The following ABCA13 variants were observed in gnomAD, a reference collection of about 807,000 sequenced individuals.
ABCA13 encodes ATP binding cassette subfamily A member 13.
ABCA13 carries 476 observed loss-of-function variants against 478.7 expected under a neutral mutation model. The ratio of observed to expected loss-of-function variants is 0.99; its 90% CI spans 0.92 to 1.07. ABCA13 has a LOEUF of 1.07. ABCA13 is among the 50% of genes least tolerant of loss of function. The probability of loss-of-function intolerance (pLI) is 0.00; values close to 1 mark genes in which losing one functional copy is unlikely to be tolerated. For missense variants in ABCA13, 6,060 were observed against 5,910.6 expected (o/e 1.03, Z -0.83); for synonymous variants, 2,252 against 2,158.9 (o/e 1.04, Z -1.20).
chr7:48,637,390 A>AAAAAAAAAAAAAAAAAAAAAG (rs1794742146), intron 59 of ABCA13, among the ~76,000 whole-genome samples: 1 of 147,208 alleles, frequency 6.8e-6, no homozygotes, highest in Non-Finnish European at 1.5e-5. Context: ...GCAAAAAAAA[A>AAAAAAAAAAAAAAAAAAAAAG]AAAAAAAAAA....
chr7:48,580,493 A>C, intron 56 of ABCA13, 119 bp downstream of exon 56: 3 of 873,836 alleles, frequency 3.4e-6, no homozygotes, highest in Non-Finnish European at 5.1e-6. Context: ...TATCAGATAA[A>C]CTTACCTGCA....
chr7:48,602,267 CTTT>C (rs967551491), intron 58 of ABCA13, among the ~76,000 whole-genome samples: 3 of 152,108 alleles, frequency 2.0e-5, no homozygotes, highest in Non-Finnish European at 4.4e-5. Flanking sequence ...GTTGCCATTG[CTTT>C]TGGTGTTTTA....
intron 42 of ABCA13, among the ~76,000 whole-genome samples, chr7:48,454,291 C>G (rs1483171017): frequency 6.6e-6 from 1 of 152,212 alleles, no homozygotes; most frequent in African/African-American, 2.4e-5. Flanking sequence ...GACAGAAAAG[C>G]TGCTCTCCAC....
intron 59 of ABCA13, among the ~76,000 whole-genome samples, chr7:48,623,601 G>T (rs979763416): frequency 6.6e-6 from 1 of 152,084 alleles, no homozygotes; most frequent in African/African-American, 2.4e-5. Flanking sequence ...TGACAGTGTG[G>T]GTGTTCCCAA....
chr7:48,178,650 G>C lies in ABCA13; in HGVS notation c.69+7098G>C, dbSNP rs1012091629. Among the ~76,000 whole-genome samples, 3 of 151,572 alleles carry C rather than the reference G, an allele frequency of 2.0e-5. No homozygotes were observed. In the South Asian group the frequency reaches 6.2e-4, roughly 31 times the overall value. ...AGCTCGCACCATTGCACTCCAGCCTGGGTGAAGAGCGAGACTCTATCTCAA... is the reference window on the plus strand; with the variant it reads ...AGCTCGCACCATTGCACTCCAGCCTCGGTGAAGAGCGAGACTCTATCTCAA... On this transcript the variant is annotated intron_variant, in intron 1 of 61. Transcript: ENST00000435803.
chr7:48,281,177 A>G (rs1796977150), intron 18 of ABCA13, among the ~76,000 whole-genome samples, 166 bp from the exon 19 acceptor site: 1 of 152,248 alleles, frequency 6.6e-6, no homozygotes, highest in Non-Finnish European at 1.5e-5. Context: ...CTAAAGGTCC[A>G]GAATGTGTTA....
At chr7:48,180,647 G>A (rs1468322457) in intron 1 of ABCA13, among the ~76,000 whole-genome samples, 2 of 151,846 alleles carry the variant, frequency 1.3e-5, no homozygotes, top group Admixed American at 6.6e-5. Context: ...GGCTGGTCTC[G>A]AACTCCTGAC....
chr7:48,624,831 A>G (rs1793510601), intron 59 of ABCA13, among the ~76,000 whole-genome samples: 1 of 152,078 alleles, frequency 6.6e-6, no homozygotes. Flanking sequence ...CTGGGATTAC[A>G]GGTGTGACTC....
intron 55 of ABCA13, 68 bp from the exon 56 acceptor site, chr7:48,580,156 A>G: frequency 6.8e-7 from 1 of 1,469,402 alleles, no homozygotes; most frequent in Non-Finnish European, 9.0e-7. Flanking sequence ...GATGAGCCAC[A>G]TTTTAAAAAT....
At chr7:48,582,875 A>G (rs533219311) in intron 56 of ABCA13, among the ~76,000 whole-genome samples, 6 of 152,190 alleles carry the variant, frequency 3.9e-5, no homozygotes, top group Admixed American at 3.3e-4. Context: ...TGCAGTGTAC[A>G]TATTTGAGCC....
chr7:48,204,279 G>C (rs1186833870), intron 3 of ABCA13, among the ~76,000 whole-genome samples: 1 of 151,080 alleles, frequency 6.6e-6, no homozygotes, highest in Non-Finnish European at 1.5e-5. Context: ...GTGCGATCTC[G>C]GCTCACTGCA....
intron 20 of ABCA13, among the ~76,000 whole-genome samples, chr7:48,290,939 GGAAAA>G (rs1480164598): frequency 3.4e-4 from 27 of 79,600 alleles, no homozygotes; most frequent in Middle Eastern, 9.3e-3. Flanking sequence ...TCACACTCAG[GGAAAA>G]AAAAAAAAAA....
chr7:48,630,506 G>A (rs891827806), intron 59 of ABCA13, among the ~76,000 whole-genome samples: 4 of 152,080 alleles, frequency 2.6e-5, no homozygotes, highest in African/African-American at 7.2e-5. Flanking sequence ...TCTTTTTTAC[G>A]ACTGCACAGT....
chr7:48,568,549 A>G (rs1787302156), intron 55 of ABCA13, among the ~76,000 whole-genome samples: 2 of 152,062 alleles, frequency 1.3e-5, no homozygotes, highest in South Asian at 2.1e-4. Context: ...TTAAACATCT[A>G]TTTATAAGAA....
chr7:48,538,324 C>T (rs1483673585), intron 55 of ABCA13, among the ~76,000 whole-genome samples: 1 of 152,112 alleles, frequency 6.6e-6, no homozygotes, highest in East Asian at 1.9e-4. Flanking sequence ...TGGTCTCGAA[C>T]TGCTGACCTC....
chr7:48,620,438 G>A (rs950052018), intron 59 of ABCA13, among the ~76,000 whole-genome samples: 16 of 152,146 alleles, frequency 1.1e-4, no homozygotes, highest in Non-Finnish European at 1.6e-4. Flanking sequence ...GCACTGTTTC[G>A]TTTTGGGTTG....
Position 48,276,276 on chromosome 7 carries a change from CT to C in ABCA13, c.6615del (p.Phe2205LeufsTer5). On this transcript the variant is annotated frameshift_variant, in exon 17 of 62. Transcript: ENST00000435803. LOFTEE classifies it high-confidence loss of function. ...GACTAATTTCTCAGTTGTTCAGCTG[CT>C]TTTTGAAAACATCCTAATTAATTTG... ...QLTNFSVVQL[L>X]FENILINLIN... 1.3e-6 allele frequency: 2 copies of C among 1,564,502 alleles called. No individual in the cohort carries two copies. Among genetic ancestry groups the C allele is most frequent in the Non-Finnish European group, 1.7e-6 (2 of 1,154,178 alleles).
At chr7:48,196,908 C>A (rs1798011126) in intron 2 of ABCA13, among the ~76,000 whole-genome samples, 2 of 152,156 alleles carry the variant, frequency 1.3e-5, no homozygotes, top group East Asian at 3.9e-4. Context: ...CTGAGAGGGA[C>A]CTTAGAAAAG....
At position 48,295,739 on chromosome 7, in the gene ABCA13, T is replaced by G; in HGVS notation, c.8995T>G (p.Cys2999Gly). 1.2e-6 allele frequency: 2 copies of G among 1,614,068 alleles called. No individual in the cohort carries two copies. The highest frequency in any genetic ancestry group is 1.7e-6 in the Non-Finnish European group (2 of 1,179,902). ...KIWSSPNQLNCESLSKNLSST... is the reference protein window; with the variant it reads ...KIWSSPNQLNGESLSKNLSST... ...ATGGTCCTCGCCGAATCAGCTAAAT[T>G]GTGAAAGTCTTAGCAAGAATCTTTC... Residue 2999 changes from cysteine (C) to glycine (G), a missense_variant, in exon 21 of 62, where the codon TGT becomes GGT. Physicochemically the swap from Cys to Gly is radical, Grantham distance 159. Coordinates refer to ENST00000435803, the MANE Select transcript of ABCA13 (RefSeq NM_152701.5).
Sources: gnomAD v4.1 joint callset for allele counts (sites outside exome capture counted in the v4.1 genomes callset) on GRCh38, gnomAD v4.1.1 for gene constraint, MANE v1.5 for transcripts, NCBI Gene and HGNC (gene_info 2026-07-23, HGNC 2026-07-21) for gene names.